The following TMC5 variants were observed in gnomAD, a reference collection of about 807,000 sequenced individuals.
The protein encoded by TMC5 is transmembrane channel-like protein 5.
A neutral mutation model predicts 110.5 loss-of-function variants in TMC5; 86 were observed. The ratio of observed to expected loss-of-function variants is 0.78; its 90% CI spans 0.65 to 0.93. TMC5 has a LOEUF of 0.93. Among genes scored for constraint, TMC5 ranks in the 40% least tolerant of loss-of-function variants. TMC5 has a pLI of 0.00. For synonymous variants in TMC5, 455 were observed against 439.5 expected (o/e 1.04, Z -0.44); for missense variants, 1,144 against 1,222.8 (o/e 0.94, Z 0.96).
chr16:19,418,983 C>A (rs566702496), intron 1 of TMC5, among the ~76,000 whole-genome samples: 2 of 152,308 alleles, frequency 1.3e-5, no homozygotes, highest in African/African-American at 4.8e-5. Flanking sequence ...TCTGCCTCAG[C>A]CTGCCAAAGT....
chr16:19,440,263 T>C lies in TMC5; in HGVS notation c.225T>C (p.Pro75=). Residue 75 remains proline, a synonymous_variant, in exon 3 of 22, where the codon CCT becomes CCC. Coordinates refer to ENST00000542583, the MANE Select transcript of TMC5 (RefSeq NM_001261841.2). ...GGTCTCTGGCAGAACCAAATTATCC[T>C]AGATCTCTGAGTAATCCAGACTATT... is the stretch of plus-strand genomic sequence containing the variant. ...YPGSLAEPNY[P]RSLSNPDYSG... 1 of 1,614,130 alleles carries C rather than the reference T, an allele frequency of 6.2e-7. No individual in the cohort carries two copies. The highest frequency in any genetic ancestry group is 8.5e-7 in the Non-Finnish European group (1 of 1,180,012).
intron 2 of TMC5, among the ~76,000 whole-genome samples, chr16:19,436,891 A>G (rs1967362112): frequency 6.6e-6 from 1 of 152,054 alleles, no homozygotes; most frequent in Non-Finnish European, 1.5e-5. Flanking sequence ...AAAATTTCCT[A>G]ACTTTGGCCG....
chr16:19,425,374 A>G (rs1967070595), intron 1 of TMC5, among the ~76,000 whole-genome samples: 1 of 147,374 alleles, frequency 6.8e-6, no homozygotes, highest in East Asian at 2.0e-4. Context: ...GCTCACAGAC[A>G]GGCCAGAGTT....
intron 4 of TMC5, among the ~76,000 whole-genome samples, chr16:19,444,948 T>A (rs1967579009): frequency 6.6e-6 from 1 of 152,106 alleles, no homozygotes; most frequent in Non-Finnish European, 1.5e-5. Flanking sequence ...CTGGCCAACA[T>A]GGTGAAACCC....
chr16:19,498,180 A>T lies in TMC5; in HGVS notation c.*214A>T, dbSNP rs1597226583. The T allele has an allele frequency of 2.2e-5, 12 of 556,758 alleles. No homozygotes were observed. The East Asian group carries it at 3.7e-4, about 17-fold the overall frequency. 34.5% of individuals were successfully genotyped at this position (556,758 alleles called of 1,614,324 possible). On this transcript the variant is annotated 3_prime_UTR_variant, in exon 22 of 22. Transcript: ENST00000542583. ...GATTGCTGATTTTTCAAGACAAAAT[A>T]CTTGGGGTTTTCCAATAAAGATTGT...
chr16:19,448,226 T>C (rs578195169), intron 4 of TMC5, among the ~76,000 whole-genome samples: 1 of 150,998 alleles, frequency 6.6e-6, no homozygotes, highest in East Asian at 1.9e-4. Context: ...CAAAGTATTA[T>C]TTTGTAAAAC....
intron 12 of TMC5, among the ~76,000 whole-genome samples, chr16:19,476,446 T>C (rs1431300337): frequency 2.0e-5 from 3 of 152,128 alleles, no homozygotes; most frequent in Non-Finnish European, 4.4e-5. Flanking sequence ...CACCGATCCA[T>C]GGTGCCACTT....
At chr16:19,476,459 A>G (rs1006759039) in intron 12 of TMC5, among the ~76,000 whole-genome samples, 1 of 152,154 alleles carries the variant, frequency 6.6e-6, no homozygotes, top group Non-Finnish European at 1.5e-5. Flanking sequence ...TGCCACTTTT[A>G]AAAGTTTGTA....
intron 17 of TMC5, among the ~76,000 whole-genome samples, 199 bp from the exon 18 acceptor site, chr16:19,490,196 C>T (rs1015468661): frequency 2.0e-5 from 3 of 152,134 alleles, no homozygotes; most frequent in Admixed American, 1.3e-4. Context: ...TGGGTCAGCT[C>T]TGATCTGAGA....
At chr16:19,485,224 C>G (rs191153317) in intron 15 of TMC5, among the ~76,000 whole-genome samples, 2 of 151,378 alleles carry the variant, frequency 1.3e-5, no homozygotes, top group Admixed American at 1.3e-4. Flanking sequence ...GCCACCATGT[C>G]CATTTATTCT....
rs74011410 is a variant in TMC5 at position 19,497,530 on chromosome 16, T to C, written c.2974+367T>C. Among the ~76,000 whole-genome samples, 830 of 152,332 alleles carry C rather than the reference T, an allele frequency of 5.4e-3. 8 individuals carry two copies. The highest frequency in any genetic ancestry group is 0.018 in the African/African-American group (761 of 41,566). ...TGTTTCATAGGATCTGACTGGGTGA[T>C]GTCCCCGTCTATGAACCAATTGTTG... On this transcript the variant is annotated intron_variant, in intron 21 of 21. Coordinates refer to ENST00000542583, the MANE Select transcript of TMC5 (RefSeq NM_001261841.2).
At chr16:19,450,530 A>G (rs978778869) in intron 5 of TMC5, among the ~76,000 whole-genome samples, 1 of 152,078 alleles carries the variant, frequency 6.6e-6, no homozygotes, top group Non-Finnish European at 1.5e-5. Context: ...GATCCTCAGC[A>G]CCTCTTTAAG....
intron 14 of TMC5, among the ~76,000 whole-genome samples, chr16:19,480,285 C>G (rs140534708): frequency 9.2e-5 from 14 of 152,238 alleles, no homozygotes; most frequent in African/African-American, 3.4e-4. Context: ...GAGGCACTGT[C>G]ACTGTCCCAT....
chr16:19,454,448 G>C (rs1168180822), intron 5 of TMC5, among the ~76,000 whole-genome samples: 1 of 152,192 alleles, frequency 6.6e-6, no homozygotes, highest in Non-Finnish European at 1.5e-5. Context: ...TTTGACCCCA[G>C]CTCTACTGCT....
At position 19,490,984 on chromosome 16, in the gene TMC5, CTCCT is replaced by C. The variant is rs71146247; in HGVS notation, c.2747+434_2747+437del. On this transcript the variant is annotated intron_variant, in intron 18 of 21. Coordinates refer to ENST00000542583, the MANE Select transcript of TMC5 (RefSeq NM_001261841.2). ...CCCTCCCTTCCCTTCCCTTCCCCTT[CTCCT>C]TCCTTCCTTCCTTCCTTACTTCTCT... is the stretch of plus-strand genomic sequence containing the variant. Among the ~76,000 whole-genome samples, 79 of 73,552 alleles carry C rather than the reference CTCCT, an allele frequency of 1.1e-3. 2 individuals carry two copies. The East Asian group carries it at 0.027, about 25-fold the overall frequency. The allele number at this position is 73,552 out of a possible 152,430, so 48.3% of individuals were successfully genotyped here. A position where few individuals can be genotyped will look rare whatever the true frequency, so the allele number is the denominator to read the frequency against.
intron 10 of TMC5, among the ~76,000 whole-genome samples, chr16:19,471,789 C>T (rs1968348074): frequency 6.6e-6 from 1 of 152,124 alleles, no homozygotes; most frequent in East Asian, 1.9e-4. Flanking sequence ...GAGACAGAGT[C>T]TCACTCTGTC....
rs1176437237 is a variant in TMC5, at chr16:19,440,759, C to A, written c.721C>A (p.Pro241Thr). Reference protein sequence around the residue: ...NQNLPSTWREPDYSDAENGHD... With the variant: ...NQNLPSTWRETDYSDAENGHD... ...GAACTTGCCAAGCACTTGGAGAGAA[C>A]CTGATTATTCAGATGCTGAGAATGG... is the stretch of plus-strand genomic sequence containing the variant. Residue 241 changes from proline to threonine, a missense_variant, in exon 3 of 22, where the codon CCT (proline) becomes ACT (threonine). Pro to Thr is a conservative substitution (Grantham distance 38, BLOSUM62 -1). Coordinates refer to ENST00000542583, the MANE Select transcript of TMC5 (RefSeq NM_001261841.2). 2.4e-5 allele frequency: 38 copies of A among 1,614,054 alleles called. No homozygotes were observed. The highest frequency in any genetic ancestry group is 3.1e-5 in the Non-Finnish European group (36 of 1,180,036).
rs1423766901 is a variant in TMC5 at position 19,477,501 on chromosome 16, G to C, written c.2152G>C (p.Ala718Pro). ...TTGTTACTATTGGCTCAACACCGTG[G>C]CCCTGTCTGGTGAAGAGGTGAGATT... The part of the protein sequence containing the change: ...ILCYYWLNTV[A>P]LSGEECWETL... The change falls in exon 13 of 22, where the codon GCC becomes CCC. Residue 718 changes from alanine (A) to proline (P), a missense_variant. By Grantham distance (27) the Ala-to-Pro change is conservative. Transcript: ENST00000542583. The C allele has an allele frequency of 1.2e-6, 2 of 1,609,974 alleles. No individual in the cohort carries two copies. Among genetic ancestry groups the C allele is most frequent in the South Asian group, 2.2e-5 (2 of 90,226 alleles).
intron 5 of TMC5, chr16:19,456,745 G>T (rs1967883301): frequency 1.2e-6 from 2 of 1,613,982 alleles, no homozygotes; most frequent in African/African-American, 1.3e-5. Context: ...TCATCATACA[G>T]GTTGAGAATG....
Sources: gnomAD v4.1 joint callset for allele counts (sites outside exome capture counted in the v4.1 genomes callset) on GRCh38, gnomAD v4.1.1 for gene constraint, MANE v1.5 for transcripts, NCBI Gene and HGNC (gene_info 2026-07-23, HGNC 2026-07-21) for gene names.